SDK1: variants seen among roughly 807,000 people sequenced by gnomAD.
SDK1 encodes sidekick cell adhesion molecule 1.
A neutral mutation model predicts 245.5 loss-of-function variants in SDK1; 157 were observed. The observed-to-expected ratio is 0.64, with a 90% CI of 0.56 to 0.73. The LOEUF (loss-of-function observed/expected upper bound fraction) is 0.73, where lower values mean the gene tolerates loss of function less well. Ranked by LOEUF, SDK1 falls within the 30% of genes least tolerant of loss-of-function variation. SDK1 has a pLI of 0.00. For missense variants in SDK1, 3,583 were observed against 3,002.3 expected, an observed-to-expected ratio of 1.19 and a Z score of -4.52; for synonymous variants, 1,647 against 1,278.5, an observed-to-expected ratio of 1.29 and a Z score of -6.15.
At chr7:3,705,549 C>G (rs897853585) in intron 4 of SDK1, among the ~76,000 whole-genome samples, 2 of 148,838 alleles carry the variant, frequency 1.3e-5, no homozygotes, top group African/African-American at 4.9e-5. Context: ...ATTTGAGTCT[C>G]AGTTTGGTGG....
At position 3,938,645 on chromosome 7, in the gene SDK1, C is replaced by CAAAAA. The variant is rs559065786; in HGVS notation, c.848-12267_848-12263dup. On this transcript the variant is annotated intron_variant, in intron 5 of 44. Coordinates refer to ENST00000404826, the MANE Select transcript of SDK1 (RefSeq NM_152744.4). Reference sequence around the variant, plus strand: ...TGGGCGACAGAGTGAGACTCCGTCTCAAAAAAAAAAAAAAAGAGATCCTCA... The same window carrying CAAAAA: ...TGGGCGACAGAGTGAGACTCCGTCTCAAAAAAAAAAAAAAAAAAAAGAGATCCTCA... Among the ~76,000 whole-genome samples the CAAAAA allele has an allele frequency of 9.9e-4, 90 of 90,596 alleles. 2 individuals carry two copies. The highest frequency in any genetic ancestry group is 4.5e-3 in the African/African-American group (84 of 18,642). The allele number at this position is 90,596 out of a possible 152,430, so 59.4% of individuals were successfully genotyped here.
chr7:4,153,398 C>G (rs1022245505), intron 30 of SDK1, among the ~76,000 whole-genome samples: 12 of 151,990 alleles, frequency 7.9e-5, no homozygotes, highest in African/African-American at 2.9e-4. Context: ...CCATCCTGGC[C>G]GATATGGTGA....
intron 4 of SDK1, among the ~76,000 whole-genome samples, chr7:3,659,375 G>A (rs1013777193): frequency 6.6e-6 from 1 of 152,102 alleles, no homozygotes; most frequent in Non-Finnish European, 1.5e-5. Flanking sequence ...AAGAAAGTCA[G>A]GTGATGAAAG....
intron 1 of SDK1, among the ~76,000 whole-genome samples, chr7:3,521,629 T>C (rs770776611): frequency 2.0e-5 from 3 of 152,186 alleles, no homozygotes; most frequent in Non-Finnish European, 4.4e-5. Context: ...AGGAAGCACG[T>C]GAATTTCGCC....
At chr7:3,807,314 G>T (rs1779276081) in intron 4 of SDK1, among the ~76,000 whole-genome samples, 1 of 152,200 alleles carries the variant, frequency 6.6e-6, no homozygotes. Flanking sequence ...AGGATAGGAA[G>T]GGGAAGTGCT....
Position 3,798,771 on chromosome 7 carries a change from C to T in SDK1, c.714-22679C>T, listed in dbSNP as rs142718265. Among the ~76,000 whole-genome samples the T allele has an allele frequency of 3.9e-3, 597 of 152,226 alleles. 2 individuals are homozygous for T. Among genetic ancestry groups the T allele is most frequent in the Non-Finnish European group, 6.0e-3 (408 of 68,016 alleles). On this transcript the variant is annotated intron_variant, in intron 4 of 44. Coordinates refer to ENST00000404826, the MANE Select transcript of SDK1 (RefSeq NM_152744.4). ...ACATGCAAGGGGAGAGTAGTTAAGC[C>T]CCCTCCTACTAGAAGGAGAAGTGTC...
At chr7:3,793,168 T>G (rs1168395752) in intron 4 of SDK1, among the ~76,000 whole-genome samples, 1 of 152,208 alleles carries the variant, frequency 6.6e-6, no homozygotes, top group Non-Finnish European at 1.5e-5. Context: ...TATTTCCATG[T>G]AAGGGTTATA....
chr7:4,076,933 G>A (rs896053043), intron 20 of SDK1, 65 bp from the exon 21 acceptor site: 16 of 1,404,336 alleles, frequency 1.1e-5, no homozygotes, highest in Admixed American at 8.8e-5. Flanking sequence ...CGATGGTGCT[G>A]TGGAATTCAG....
intron 38 of SDK1, among the ~76,000 whole-genome samples, chr7:4,219,147 A>G (rs1264923366): frequency 6.6e-6 from 1 of 152,150 alleles, no homozygotes; most frequent in Non-Finnish European, 1.5e-5. Context: ...ACTTGCAGTG[A>G]AATTAATTAA....
At chr7:4,188,681 A>AC (rs1194774113) in intron 35 of SDK1, among the ~76,000 whole-genome samples, 2 of 147,916 alleles carry the variant, frequency 1.4e-5, no homozygotes, top group Non-Finnish European at 3.0e-5. Context: ...TCTTTCATCA[A>AC]AAAAAAAAAG....
chr7:4,144,520 G>A (rs528498598), intron 28 of SDK1, among the ~76,000 whole-genome samples: 12 of 151,910 alleles, frequency 7.9e-5, no homozygotes, highest in Middle Eastern at 3.4e-3. Context: ...TCTGATCTCC[G>A]TGTAATTGTC....
chr7:3,621,070 A>C (rs764292703), intron 2 of SDK1, among the ~76,000 whole-genome samples: 2 of 152,128 alleles, frequency 1.3e-5, no homozygotes, highest in Non-Finnish European at 2.9e-5. Flanking sequence ...GAGTGACGTA[A>C]GCGTTTGCAA....
intron 1 of SDK1, among the ~76,000 whole-genome samples, chr7:3,411,540 A>G (rs969435407): frequency 6.6e-6 from 1 of 152,136 alleles, no homozygotes; most frequent in African/African-American, 2.4e-5. Flanking sequence ...GACATTTGTC[A>G]GCTTAATTAG....
chr7:3,426,039 T>C (rs977136028), intron 1 of SDK1, among the ~76,000 whole-genome samples: 5 of 152,264 alleles, frequency 3.3e-5, no homozygotes, highest in African/African-American at 1.2e-4. Context: ...TTACTTTTTA[T>C]TTGTCTTCTC....
At chr7:4,228,044 G>A (rs183728215) in intron 40 of SDK1, among the ~76,000 whole-genome samples, 88 of 152,228 alleles carry the variant, frequency 5.8e-4, no homozygotes, top group African/African-American at 1.7e-3. Flanking sequence ...GACAAATCAC[G>A]CCGTAAAAAA....
intron 14 of SDK1, among the ~76,000 whole-genome samples, chr7:4,004,411 A>T (rs1265189385): frequency 6.6e-6 from 1 of 152,224 alleles, no homozygotes; most frequent in East Asian, 1.9e-4. Flanking sequence ...ACCTGGGGGA[A>T]CTATCCTTAT....
intron 32 of SDK1, among the ~76,000 whole-genome samples, chr7:4,162,335 G>A (rs1025284931): frequency 1.3e-5 from 2 of 150,346 alleles, no homozygotes; most frequent in African/African-American, 4.9e-5. Flanking sequence ...AAGTCTGGGG[G>A]TGGGTGGTGG....
At chr7:3,339,506 C>T (rs931824478) in intron 1 of SDK1, among the ~76,000 whole-genome samples, 1 of 151,906 alleles carries the variant, frequency 6.6e-6, no homozygotes. Flanking sequence ...GCCCATGGGA[C>T]ATCATAGACA....
At chr7:4,184,860 A>G (rs765822133) in intron 35 of SDK1, among the ~76,000 whole-genome samples, 3 of 152,170 alleles carry the variant, frequency 2.0e-5, no homozygotes, top group Non-Finnish European at 2.9e-5. Context: ...CGCCCCAGCA[A>G]GCTGCTCCAT....
Sources: gnomAD v4.1 joint callset for allele counts (sites outside exome capture counted in the v4.1 genomes callset) on GRCh38, gnomAD v4.1.1 for gene constraint, MANE v1.5 for transcripts, NCBI Gene and HGNC (gene_info 2026-07-23, HGNC 2026-07-21) for gene names.